The following PACRG variants were observed in gnomAD, a reference collection of about 807,000 sequenced individuals.
PACRG encodes the protein parkin coregulated.
Under a neutral mutation model 29.7 loss-of-function variants are expected in PACRG, and 29 were observed. The observed-to-expected ratio is 0.98, with a 90% CI of 0.73 to 1.33. PACRG has a LOEUF of 1.33. Among genes scored for constraint, PACRG ranks in the 40% most tolerant of loss-of-function variants. PACRG has a pLI of 0.00. For synonymous variants in PACRG, 116 were observed against 118.7 expected (o/e 0.98, Z 0.15); for missense variants, 279 against 316.2 (o/e 0.88, Z 0.89).
At chr6:162,832,277 C>G (rs1562643073) in intron 2 of PACRG, among the ~76,000 whole-genome samples, 1 of 152,054 alleles carries the variant, frequency 6.6e-6, no homozygotes, top group African/African-American at 2.4e-5. Context: ...TGATGTTGAG[C>G]TTTTTTCATG....
At chr6:162,907,666 A>G (rs981446449) in intron 2 of PACRG, among the ~76,000 whole-genome samples, 4 of 152,160 alleles carry the variant, frequency 2.6e-5, no homozygotes, top group African/African-American at 9.6e-5. Context: ...GACTCTTAAG[A>G]AAGATTCACA....
At chr6:163,180,051 G>A (rs1458185893) in intron 4 of PACRG, among the ~76,000 whole-genome samples, 8 of 152,192 alleles carry the variant, frequency 5.3e-5, no homozygotes, top group Non-Finnish European at 1.0e-4. Flanking sequence ...TTCTGAAGAC[G>A]ACATTGACTT....
chr6:163,018,650 T>C (rs910650691), intron 2 of PACRG, among the ~76,000 whole-genome samples: 2 of 152,210 alleles, frequency 1.3e-5, no homozygotes, highest in African/African-American at 2.4e-5. Context: ...TTATTTTCAG[T>C]GAAGGTCAGT....
chr6:162,930,463 T>G (rs796957531), intron 2 of PACRG, among the ~76,000 whole-genome samples: 19 of 152,040 alleles, frequency 1.2e-4, no homozygotes, highest in African/African-American at 4.3e-4. Flanking sequence ...CTCTACTGAA[T>G]TTGTTTATTA....
intron 2 of PACRG, among the ~76,000 whole-genome samples, chr6:162,955,051 T>C (rs1799915405): frequency 6.6e-6 from 1 of 152,180 alleles, no homozygotes; most frequent in Admixed American, 6.5e-5. Flanking sequence ...TTACTCCCTG[T>C]TTCATGTTAA....
At chr6:163,086,513 C>A (rs902915453) in intron 3 of PACRG, among the ~76,000 whole-genome samples, 1 of 152,134 alleles carries the variant, frequency 6.6e-6, no homozygotes, top group Non-Finnish European at 1.5e-5. Context: ...GCTGAGCCGT[C>A]TCTTTTCATT....
chr6:163,128,521 A>G (rs1816603550), intron 4 of PACRG, among the ~76,000 whole-genome samples: 1 of 152,230 alleles, frequency 6.6e-6, no homozygotes, highest in African/African-American at 2.4e-5. Context: ...TTTTTTAAAA[A>G]TTGAGCTATA....
intron 2 of PACRG, among the ~76,000 whole-genome samples, chr6:163,011,391 G>T (rs1247450998): frequency 6.6e-6 from 1 of 152,192 alleles, no homozygotes; most frequent in Non-Finnish European, 1.5e-5. Flanking sequence ...TAACACAATG[G>T]TAAGTATTTG....
intron 4 of PACRG, among the ~76,000 whole-genome samples, chr6:163,121,568 C>A (rs1298785686): frequency 1.3e-5 from 2 of 151,574 alleles, no homozygotes; most frequent in Non-Finnish European, 2.9e-5. Flanking sequence ...GTGAATTTCA[C>A]ATCACTTCTC....
chr6:163,016,542 G>C (rs1325045663), intron 2 of PACRG, among the ~76,000 whole-genome samples: 1 of 151,790 alleles, frequency 6.6e-6, no homozygotes, highest in African/African-American at 2.4e-5. Flanking sequence ...TAATGGTAAT[G>C]GTTTTGTATA....
At chr6:162,814,107 G>T (rs760198935) in intron 1 of PACRG, 40 bp from the exon 2 acceptor site, 1 of 1,562,936 alleles carries the variant, frequency 6.4e-7, no homozygotes, top group Non-Finnish European at 8.6e-7. Flanking sequence ...TTTTTAGTAT[G>T]TCTTAAAACC....
chr6:162,879,659 A>G (rs950376555), intron 2 of PACRG, among the ~76,000 whole-genome samples: 3 of 152,210 alleles, frequency 2.0e-5, no homozygotes, highest in Admixed American at 2.0e-4. Context: ...CATTCCTTCA[A>G]CAAGTATTTA....
At chr6:162,786,141 T>A (rs752576996) in intron 1 of PACRG, among the ~76,000 whole-genome samples, 36 of 152,234 alleles carry the variant, frequency 2.4e-4, no homozygotes, top group Non-Finnish European at 3.8e-4. Context: ...ACTGAATTCC[T>A]GTGTCACCAG....
chr6:163,092,151 G>A (rs574171873), intron 4 of PACRG, among the ~76,000 whole-genome samples: 2 of 152,212 alleles, frequency 1.3e-5, no homozygotes, highest in South Asian at 4.1e-4. Context: ...CAAATAAAAT[G>A]ACCTGTCTGT....
chr6:162,933,424 C>A (rs1449574264), intron 2 of PACRG, among the ~76,000 whole-genome samples: 1 of 151,986 alleles, frequency 6.6e-6, no homozygotes, highest in Non-Finnish European at 1.5e-5. Flanking sequence ...TTTTCCAAAC[C>A]TAAAAGTGGG....
intron 1 of PACRG, among the ~76,000 whole-genome samples, chr6:162,793,295 G>A (rs35583420): frequency 0.095 from 14,435 of 152,226 alleles, 792 homozygotes; most frequent in Middle Eastern, 0.17. Context: ...AATAATCATG[G>A]ATAAGGGATT....
intron 4 of PACRG, among the ~76,000 whole-genome samples, chr6:163,163,593 G>A (rs113379601): frequency 0.029 from 4,488 of 152,300 alleles, 84 homozygotes; most frequent in African/African-American, 0.053. Flanking sequence ...TTTTGAGCTA[G>A]ATTTAAATGC....
At chr6:162,739,624 A>T (rs1780417676) in intron 1 of PACRG, among the ~76,000 whole-genome samples, 1 of 152,072 alleles carries the variant, frequency 6.6e-6, no homozygotes, top group African/African-American at 2.4e-5. Flanking sequence ...CAGGTGAATC[A>T]CGAGGTCAGG....
At chr6:162,776,616 G>C (rs1428352931) in intron 1 of PACRG, among the ~76,000 whole-genome samples, 5 of 152,142 alleles carry the variant, frequency 3.3e-5, no homozygotes, top group Non-Finnish European at 7.3e-5. Context: ...GGTGACCCAG[G>C]CTCCAACCTG....
Sources: allele counts gnomAD v4.1 joint callset (sites outside exome capture counted in the v4.1 genomes callset), GRCh38; gene constraint gnomAD v4.1.1; transcripts MANE v1.5; gene names NCBI Gene and HGNC (gene_info 2026-07-23, HGNC 2026-07-21).